The following TBL1XR1 variants were observed in gnomAD, a reference collection of about 807,000 sequenced individuals.
The protein encoded by TBL1XR1 is F-box-like/WD repeat-containing protein TBL1XR1.
In TBL1XR1, 5 loss-of-function variants were observed where a neutral mutation model predicts 66.9. The ratio of observed to expected loss-of-function variants is 0.07; its 90% CI spans 0.04 to 0.16. The LOEUF (loss-of-function observed/expected upper bound fraction) is 0.16, where lower values mean the gene tolerates loss of function less well. Among genes scored for constraint, TBL1XR1 ranks in the 10% least tolerant of loss-of-function variants. The probability of loss-of-function intolerance (pLI) is 1.00; values close to 1 mark genes in which losing one functional copy is unlikely to be tolerated. For synonymous variants in TBL1XR1, 210 were observed against 206.0 expected (o/e 1.02, Z -0.17); for missense variants, 238 against 623.2 (o/e 0.38, Z 6.58).
At chr3:177,155,282 A>C (rs550449567) in intron 1 of TBL1XR1, among the ~76,000 whole-genome samples, 22 of 152,354 alleles carry the variant, frequency 1.4e-4, no homozygotes, top group Middle Eastern at 3.4e-3. Context: ...TCTTTTGAAC[A>C]AATCAATAAA....
intron 14 of TBL1XR1, among the ~76,000 whole-genome samples, chr3:177,029,076 T>G (rs1289123688): frequency 6.7e-6 from 1 of 150,140 alleles, no homozygotes; most frequent in Non-Finnish European, 1.5e-5. Context: ...TGAAAAAATA[T>G]CAGACCTCAG....
At chr3:177,192,640 T>C (rs1736306928) in intron 1 of TBL1XR1, among the ~76,000 whole-genome samples, 2 of 152,202 alleles carry the variant, frequency 1.3e-5, no homozygotes, top group Admixed American at 1.3e-4. Context: ...AATGGAGCTA[T>C]CAAATCCTTC....
intron 2 of TBL1XR1, among the ~76,000 whole-genome samples, chr3:177,071,031 GTTTTT>G (rs764951521): frequency 2.9e-5 from 3 of 104,684 alleles, no homozygotes; most frequent in East Asian, 3.3e-4. Context: ...CTGAGAATCT[GTTTTT>G]TTTTTTTTTT....
At chr3:177,064,312 T>C (rs1718881608) in intron 3 of TBL1XR1, among the ~76,000 whole-genome samples, 1 of 152,216 alleles carries the variant, frequency 6.6e-6, no homozygotes, top group South Asian at 2.1e-4. Context: ...TTCCCTCTTC[T>C]ACTTTTAAAT....
chr3:177,174,613 C>T (rs1290131089), intron 1 of TBL1XR1, among the ~76,000 whole-genome samples: 2 of 152,084 alleles, frequency 1.3e-5, no homozygotes, highest in East Asian at 1.9e-4. Context: ...GAAAGGAGAC[C>T]CGGATGCTTA....
At chr3:177,126,257 G>C (rs1727618229) in intron 1 of TBL1XR1, 2 of 151,864 alleles carry the variant, frequency 1.3e-5, no homozygotes, top group South Asian at 4.2e-4. Flanking sequence ...CCAAGAATCT[G>C]CATTTCCAAC....
At chr3:177,186,977 T>C (rs1163224173) in intron 1 of TBL1XR1, among the ~76,000 whole-genome samples, 1 of 151,846 alleles carries the variant, frequency 6.6e-6, no homozygotes, top group African/African-American at 2.4e-5. Context: ...CCATCCCGGC[T>C]AACAGGATGA....
At chr3:177,140,094 A>C (rs1729465843) in intron 1 of TBL1XR1, among the ~76,000 whole-genome samples, 1 of 152,178 alleles carries the variant, frequency 6.6e-6, no homozygotes, top group Non-Finnish European at 1.5e-5. Flanking sequence ...CCAGGTCAGG[A>C]GTTCGAGACC....
intron 1 of TBL1XR1, among the ~76,000 whole-genome samples, chr3:177,160,067 G>A (rs545554261): frequency 2.2e-4 from 33 of 152,190 alleles, no homozygotes; most frequent in African/African-American, 7.5e-4. Flanking sequence ...TAAAGAGTGG[G>A]GAAAATGGAG....
chr3:177,087,286 G>T (rs183974994), intron 2 of TBL1XR1, among the ~76,000 whole-genome samples: 1 of 151,600 alleles, frequency 6.6e-6, no homozygotes, highest in African/African-American at 2.4e-5. Context: ...CATGTTTAAA[G>T]TACCTCTATG....
chr3:177,092,614 GCAAA>G (rs916170028), intron 2 of TBL1XR1, among the ~76,000 whole-genome samples: 9 of 152,090 alleles, frequency 5.9e-5, no homozygotes, highest in African/African-American at 1.2e-4. Flanking sequence ...ATGGGCACTA[GCAAA>G]CAAACAGCAA....
At chr3:177,090,060 G>A (rs925296391) in intron 2 of TBL1XR1, among the ~76,000 whole-genome samples, 2 of 152,168 alleles carry the variant, frequency 1.3e-5, no homozygotes, top group African/African-American at 4.8e-5. Flanking sequence ...AAATTGACAT[G>A]CACATTTCAT....
At chr3:177,138,448 T>C (rs1313505180) in intron 1 of TBL1XR1, among the ~76,000 whole-genome samples, 2 of 152,094 alleles carry the variant, frequency 1.3e-5, no homozygotes, top group Middle Eastern at 3.4e-3. Flanking sequence ...TAAAAATTAG[T>C]TGGGGTGGTG....
At chr3:177,112,371 G>T (rs1195897281) in intron 1 of TBL1XR1, among the ~76,000 whole-genome samples, 1 of 151,542 alleles carries the variant, frequency 6.6e-6, no homozygotes, top group African/African-American at 2.4e-5. Context: ...GCCTCCAAAA[G>T]TGCTGGGATT....
intron 2 of TBL1XR1, chr3:177,087,183 C>A (rs1425921125): frequency 6.7e-6 from 1 of 148,884 alleles, no homozygotes; most frequent in Non-Finnish European, 1.5e-5. Context: ...GTCAACTATA[C>A]TAACCCTTCC....
At chr3:177,140,444 T>C (rs1729504905) in intron 1 of TBL1XR1, among the ~76,000 whole-genome samples, 1 of 152,238 alleles carries the variant, frequency 6.6e-6, no homozygotes, top group African/African-American at 2.4e-5. Context: ...CCATTTTCTA[T>C]CAATTTACGA....
At chr3:177,178,427 G>A (rs952724707) in intron 1 of TBL1XR1, among the ~76,000 whole-genome samples, 5 of 151,898 alleles carry the variant, frequency 3.3e-5, no homozygotes, top group African/African-American at 1.2e-4. Flanking sequence ...CATGCTAAAA[G>A]TAACAAGCAC....
chr3:177,188,613 GTT>G (rs771799750), intron 1 of TBL1XR1, among the ~76,000 whole-genome samples: 10 of 152,046 alleles, frequency 6.6e-5, no homozygotes, highest in African/African-American at 1.9e-4. Flanking sequence ...CCAGAGTTTT[GTT>G]TTTTTAAATT....
chr3:177,076,316 C>T (rs2108585956), intron 2 of TBL1XR1, among the ~76,000 whole-genome samples: 1 of 152,224 alleles, frequency 6.6e-6, no homozygotes. Context: ...GGCTTGTAGA[C>T]ACATCACTCT....
Sources: allele counts gnomAD v4.1 joint callset (sites outside exome capture counted in the v4.1 genomes callset), GRCh38; gene constraint gnomAD v4.1.1; transcripts MANE v1.5; gene names NCBI Gene and HGNC (gene_info 2026-07-23, HGNC 2026-07-21).